PCDHAC1: variants seen among roughly 807,000 people sequenced by gnomAD.
PCDHAC1 encodes protocadherin alpha-C1.
Under a neutral mutation model 60.0 loss-of-function variants are expected in PCDHAC1, and 42 were observed. That is an observed-to-expected ratio of 0.70 (90% CI 0.55 to 0.90). The LOEUF is 0.90. Ranked by LOEUF, PCDHAC1 falls within the 40% of genes least tolerant of loss-of-function variation. PCDHAC1 has a pLI of 0.00. For missense variants in PCDHAC1, 1,160 were observed against 1,222.3 expected, an observed-to-expected ratio of 0.95 and a Z score of 0.76; for synonymous variants, 468 against 499.3, an observed-to-expected ratio of 0.94 and a Z score of 0.84.
chr5:140,984,271 A>G (rs1403531837), intron 3 of PCDHAC1, among the ~76,000 whole-genome samples: 1 of 152,196 alleles, frequency 6.6e-6, no homozygotes, highest in African/African-American at 2.4e-5. Context: ...ACTAACTTTG[A>G]ATACATTCTC....
chr5:140,926,824 A>T lies in PCDHAC1; in HGVS notation c.-69A>T. On this transcript the variant is annotated 5_prime_UTR_variant, in exon 1 of 4. Coordinates refer to ENST00000253807, the MANE Select transcript of PCDHAC1 (RefSeq NM_018898.5). ...TTCCCCGCGGCTCGTGCTCTCCAGG[A>T]GTCCGGAGCATGGTCCTGGGTCACC... 1.3e-6 allele frequency: 2 copies of T among 1,496,944 alleles called. No individual in the cohort carries two copies. The highest frequency in any genetic ancestry group is 1.8e-6 in the Non-Finnish European group (2 of 1,125,104). 92.7% of individuals were successfully genotyped at this position (1,496,944 alleles called of 1,614,324 possible).
At chr5:140,932,709 A>G (rs2088560759) in intron 1 of PCDHAC1, among the ~76,000 whole-genome samples, 1 of 151,956 alleles carries the variant, frequency 6.6e-6, no homozygotes, top group African/African-American at 2.4e-5. Context: ...TATAGACAAC[A>G]CAATAATATT....
intron 1 of PCDHAC1, among the ~76,000 whole-genome samples, chr5:140,963,607 G>A (rs558578531): frequency 2.0e-5 from 3 of 152,306 alleles, no homozygotes; most frequent in Non-Finnish European, 4.4e-5. Context: ...GACGTAATTG[G>A]GAAAGCTTAA....
chr5:141,009,736 G>T lies in PCDHAC1; in HGVS notation c.2691G>T (p.Leu897Phe). 1 of 1,614,086 alleles carries T rather than the reference G, an allele frequency of 6.2e-7. No homozygotes were observed. Among genetic ancestry groups the T allele is most frequent in the East Asian group, 2.2e-5 (1 of 44,872 alleles). Residue 897 changes from leucine to phenylalanine, a missense_variant, in exon 4 of 4, where the codon TTG becomes TTT. Leu to Phe is a conservative substitution (Grantham distance 22). Around this residue, in one of 3 missense-constraint regions of PCDHAC1, gnomAD observed 1,113 missense variants for 1,163.7 expected, o/e 0.96. Transcript: ENST00000253807. ...GNPKQSGPGE[L>F]PDKFIIPGSP... ...CCAAACAATCCGGTCCCGGTGAGTT[G>T]CCCGACAAATTCATTATCCCAGGAT...
In PCDHAC1 at chr5:140,927,843, CTT is replaced by C. The variant is rs1563097902; in HGVS notation, c.953_954del (p.Phe318TrpfsTer4). The C allele has an allele frequency of 4.3e-6, 7 of 1,614,186 alleles. No homozygotes were observed. Among genetic ancestry groups the C allele is most frequent in the African/African-American group, 2.7e-5 (2 of 75,042 alleles). On this transcript the variant is annotated frameshift_variant, in exon 1 of 4. Transcript: ENST00000253807. LOFTEE classifies it high-confidence loss of function. ...AYIEARDEGV[F>X]GLASTAKLLV... ...ACATTGAGGCGAGGGACGAAGGTGT[CTT>C]TGGTTTAGCTAGCACCGCTAAACTG...
intron 1 of PCDHAC1, among the ~76,000 whole-genome samples, chr5:140,961,085 T>C (rs1406733516): frequency 1.3e-5 from 2 of 152,230 alleles, no homozygotes; most frequent in East Asian, 3.8e-4. Flanking sequence ...CAAGTAATTG[T>C]TGACTTTTTG....
chr5:140,988,418 G>T (rs1372180292), intron 3 of PCDHAC1, among the ~76,000 whole-genome samples: 2 of 152,150 alleles, frequency 1.3e-5, no homozygotes, highest in Non-Finnish European at 2.9e-5. Context: ...CTTATGTAAA[G>T]AATTTGTTTG....
rs115129184 is a variant in PCDHAC1, at chr5:140,964,722, A to G, written c.2434-14227A>G. 3.1e-3 allele frequency among the ~76,000 whole-genome samples: 468 copies of G among 152,140 alleles called. 3 individuals are homozygous for G. The highest frequency in any genetic ancestry group is 5.1e-3 in the Non-Finnish European group (346 of 67,996). On this transcript the variant is annotated intron_variant, in intron 1 of 3. Transcript: ENST00000253807. ...AAGGCCTCCGAGATCAAATTACCAC[A>G]GCAAACTGAGACAGAATTATTGTAG...
intron 3 of PCDHAC1, among the ~76,000 whole-genome samples, chr5:141,006,264 T>C (rs2098264343): frequency 6.6e-6 from 1 of 152,148 alleles, no homozygotes; most frequent in Non-Finnish European, 1.5e-5. Flanking sequence ...CAGGCTGGAC[T>C]GCAGTGGCAC....
chr5:140,999,215 C>A (rs1290752092), intron 3 of PCDHAC1, among the ~76,000 whole-genome samples: 1 of 152,140 alleles, frequency 6.6e-6, no homozygotes, highest in East Asian at 1.9e-4. Context: ...TCTGGAAGTA[C>A]TACATTTGAG....
intron 1 of PCDHAC1, chr5:140,967,039 G>GCTGGAC (rs1192512561): frequency 1.2e-6 from 2 of 1,611,626 alleles, no homozygotes; most frequent in Non-Finnish European, 1.7e-6. Flanking sequence ...GCTACCTGGA[G>GCTGGAC]CTGGACCTGA....
intron 3 of PCDHAC1, among the ~76,000 whole-genome samples, chr5:141,005,117 C>A (rs2098198148): frequency 6.6e-6 from 1 of 152,214 alleles, no homozygotes; most frequent in South Asian, 2.1e-4. Flanking sequence ...TCTTTAGGGA[C>A]CCCAAAAGTG....
At chr5:140,971,209 C>T (rs147218200) in intron 1 of PCDHAC1, among the ~76,000 whole-genome samples, 3 of 152,118 alleles carry the variant, frequency 2.0e-5, no homozygotes, top group African/African-American at 7.2e-5. Context: ...ACACTGTTAC[C>T]CTCCCTCTCC....
intron 1 of PCDHAC1, among the ~76,000 whole-genome samples, chr5:140,944,593 TG>T: frequency 6.6e-6 from 1 of 152,318 alleles, no homozygotes; most frequent in South Asian, 2.1e-4. Flanking sequence ...AGAATTTCCC[TG>T]GGTAGAGTAG....
intron 3 of PCDHAC1, among the ~76,000 whole-genome samples, chr5:141,000,501 C>G (rs1252221313): frequency 2.1e-5 from 3 of 139,584 alleles, no homozygotes; most frequent in Admixed American, 7.5e-5. Flanking sequence ...GATCTCGGCT[C>G]ACTGCAACCT....
At chr5:140,946,591 AATAG>A (rs1237639683) in intron 1 of PCDHAC1, among the ~76,000 whole-genome samples, 7 of 119,490 alleles carry the variant, frequency 5.9e-5, no homozygotes, top group African/African-American at 2.9e-4. Flanking sequence ...ATAGTGGATG[AATAG>A]ATAAAGAAAA....
chr5:140,966,820 G>A, intron 1 of PCDHAC1: 1 of 1,557,392 alleles, frequency 6.4e-7, no homozygotes, highest in Non-Finnish European at 8.7e-7. Context: ...GGCTCCGGCG[G>A]CCCATGCCCT....
Position 140,961,453 on chromosome 5 carries a change from C to A in PCDHAC1, c.2434-17496C>A, listed in dbSNP as rs138800149. On this transcript the variant is annotated intron_variant, in intron 1 of 3. Transcript: ENST00000253807. ...AAAATCACCTAACTACACTGTCTTG[C>A]AGCTGCCTTTCTTTTTTTGTCTTGT... Among the ~76,000 whole-genome samples the A allele has an allele frequency of 2.6e-3, 401 of 152,318 alleles. 1 individual carries two copies. The highest frequency in any genetic ancestry group is 9.2e-3 in the African/African-American group (384 of 41,574).
intron 3 of PCDHAC1, among the ~76,000 whole-genome samples, chr5:140,989,700 C>T (rs1367211310): frequency 6.6e-6 from 1 of 152,178 alleles, no homozygotes; most frequent in East Asian, 1.9e-4. Flanking sequence ...AAAATTTTAT[C>T]TTCAGAGGCA....
Sources: gnomAD v4.1 joint callset for allele counts (sites outside exome capture counted in the v4.1 genomes callset) on GRCh38, gnomAD v4.1.1 for gene constraint, gnomAD v4.1.1 regional missense constraint, MANE v1.5 for transcripts, NCBI Gene and HGNC (gene_info 2026-07-23, HGNC 2026-07-21) for gene names.